Variants in LIPH observed in about 807,000 individuals in gnomAD.
LIPH encodes the protein lipase member H.
Under a neutral mutation model 47.6 loss-of-function variants are expected in LIPH, and 32 were observed. That is an observed-to-expected ratio of 0.67 (90% confidence interval 0.51 to 0.90). The LOEUF is 0.90. Ranked by LOEUF, LIPH falls within the 40% of genes least tolerant of loss-of-function variation. The pLI is 0.00. For synonymous variants in LIPH, 190 were observed against 195.6 expected (o/e 0.97, Z 0.24); for missense variants, 497 against 541.4 (o/e 0.92, Z 0.81).
At chr3:185,514,793 A>C (rs1719675748) in intron 7 of LIPH, among the ~76,000 whole-genome samples, 1 of 152,158 alleles carries the variant, frequency 6.6e-6, no homozygotes, top group African/African-American at 2.4e-5. Context: ...GTGAAGTCTT[A>C]GGGCTTATGG....
chr3:185,532,023 G>C (rs1720346541), intron 3 of LIPH, among the ~76,000 whole-genome samples: 1 of 151,458 alleles, frequency 6.6e-6, no homozygotes, highest in African/African-American at 2.4e-5. Context: ...TTTTCTTATT[G>C]CTCTAAGATC....
At chr3:185,534,271 G>T (rs890257460) in intron 2 of LIPH, among the ~76,000 whole-genome samples, 5 of 151,848 alleles carry the variant, frequency 3.3e-5, no homozygotes, top group Non-Finnish European at 4.4e-5. Flanking sequence ...CAAGAGAATC[G>T]CTTGAACCCG....
At chr3:185,548,428 A>AAC (rs1720949709) in intron 1 of LIPH, among the ~76,000 whole-genome samples, 1 of 149,464 alleles carries the variant, frequency 6.7e-6, no homozygotes, top group African/African-American at 2.5e-5. Context: ...AAAAAACAAC[A>AAC]AAAAAAAACT....
intron 6 of LIPH, among the ~76,000 whole-genome samples, chr3:185,517,862 C>T (rs1719780469): frequency 6.6e-6 from 1 of 152,116 alleles, no homozygotes; most frequent in East Asian, 1.9e-4. Flanking sequence ...ATAGAAAATC[C>T]TCATGACCAT....
At chr3:185,532,509 G>A (rs556370234) in intron 3 of LIPH, among the ~76,000 whole-genome samples, 8 of 151,852 alleles carry the variant, frequency 5.3e-5, no homozygotes, top group Admixed American at 5.3e-4. Flanking sequence ...AAAAAAAAAG[G>A]CTATGTGCAG....
At chr3:185,541,394 CTTTT>C (rs11349854) in intron 1 of LIPH, among the ~76,000 whole-genome samples, 3 of 130,812 alleles carry the variant, frequency 2.3e-5, no homozygotes, top group Admixed American at 8.0e-5. Context: ...ATCTTTCTTT[CTTTT>C]TTTTTTTTTT....
intron 3 of LIPH, among the ~76,000 whole-genome samples, chr3:185,530,216 T>C (rs997619951): frequency 7.2e-5 from 11 of 151,974 alleles, no homozygotes; most frequent in Non-Finnish European, 1.5e-4. Context: ...CAGTGGCTCA[T>C]GCCTGTAATC....
At chr3:185,516,072 T>G (rs1382640684) in intron 7 of LIPH, among the ~76,000 whole-genome samples, 1 of 152,134 alleles carries the variant, frequency 6.6e-6, no homozygotes, top group Non-Finnish European at 1.5e-5. Flanking sequence ...AGGTTGAGGC[T>G]GCAGTGCCCC....
At chr3:185,521,150 G>C (rs1719889689) in intron 5 of LIPH, among the ~76,000 whole-genome samples, 1 of 152,130 alleles carries the variant, frequency 6.6e-6, no homozygotes, top group Non-Finnish European at 1.5e-5. Context: ...TTTCAGGCAT[G>C]AGCCACCATA....
At chr3:185,517,446 T>C (rs1560157789) in intron 6 of LIPH, among the ~76,000 whole-genome samples, 1 of 152,210 alleles carries the variant, frequency 6.6e-6, no homozygotes, top group Non-Finnish European at 1.5e-5. Context: ...TGGTGTGGAC[T>C]AAAAATAACA....
chr3:185,534,991 T>C lies in LIPH; in HGVS notation c.191A>G (p.Asn64Ser). The change falls in exon 2 of 10, where the codon AAC becomes AGC. Residue 64 changes from asparagine to serine, a missense_variant. Physicochemically the swap from Asn to Ser is conservative, Grantham distance 46 (BLOSUM62 1). Coordinates refer to ENST00000296252, the MANE Select transcript of LIPH (RefSeq NM_139248.3). ...GGTGGTTTTCTTGGTCACATTCAAG[T>C]TCCCAAAAGCTGAGGAGTTGATGGT... ...AQTINSSAFG[N>S]LNVTKKTTFI... 1 of 1,613,918 alleles carries C rather than the reference T, an allele frequency of 6.2e-7. No homozygotes were observed.
rs773233563 is a variant in LIPH, at chr3:185,508,595, G to A, written c.*195C>T. 8.3e-6 allele frequency: 5 copies of A among 598,916 alleles called. No individual in the cohort carries two copies. Among genetic ancestry groups the A allele is most frequent in the Non-Finnish European group, 1.5e-5 (5 of 335,036 alleles). 37.1% of individuals were successfully genotyped at this position (598,916 alleles called of 1,614,324 possible). On this transcript the variant is annotated 3_prime_UTR_variant, in exon 10 of 10. Coordinates refer to ENST00000296252, the MANE Select transcript of LIPH (RefSeq NM_139248.3). ...GGCTATTTCTGACTTGCCCTAGTTA[G>A]GGGCTCCTTCCCAGGATCGTTTTAT... is the stretch of plus-strand genomic sequence containing the variant.
At chr3:185,526,600 TA>T (rs1207887551) in intron 4 of LIPH, among the ~76,000 whole-genome samples, 3 of 95,294 alleles carry the variant, frequency 3.1e-5, no homozygotes, top group Non-Finnish European at 6.7e-5. Flanking sequence ...TAAAATAAAA[TA>T]AAATAAAAAA....
rs747127871 is a variant in LIPH at position 185,552,404 on chromosome 3, C to T, written c.49+19G>A. On this transcript the variant is annotated intron_variant, in intron 1 of 9. Coordinates refer to ENST00000296252, the MANE Select transcript of LIPH (RefSeq NM_139248.3). ...CTATTTTTTAAGCAGTTAAGAAAAC[C>T]AGTTTGTAAATAACCTACCTGATCT... is the stretch of plus-strand genomic sequence containing the variant. 14 of 1,563,356 alleles carry T rather than the reference C, an allele frequency of 9.0e-6. No homozygotes were observed. In the East Asian group the frequency reaches 2.9e-4, roughly 33 times the overall value.
At chr3:185,511,249 A>G (rs1239074034) in intron 9 of LIPH, among the ~76,000 whole-genome samples, 5 of 149,594 alleles carry the variant, frequency 3.3e-5, no homozygotes, top group African/African-American at 1.2e-4. Flanking sequence ...CTTTTTTTGT[A>G]GAGACAGGGT....
At chr3:185,536,782 G>A (rs1035785288) in intron 1 of LIPH, among the ~76,000 whole-genome samples, 7 of 152,042 alleles carry the variant, frequency 4.6e-5, no homozygotes, top group Non-Finnish European at 7.4e-5. Context: ...GGTTTTTATC[G>A]TTACTTAACA....
chr3:185,548,076 T>C (rs1720934007), intron 1 of LIPH, among the ~76,000 whole-genome samples: 1 of 152,088 alleles, frequency 6.6e-6, no homozygotes. Context: ...AAATCTGAAG[T>C]TTTTTTAGGC....
chr3:185,519,409 C>A, intron 5 of LIPH, 100 bp from the exon 6 acceptor site: 1 of 788,820 alleles, frequency 1.3e-6, no homozygotes, highest in Non-Finnish European at 2.3e-6. Flanking sequence ...TCTGGCCCTG[C>A]GCTCTTTCAG....
At position 185,508,424 on chromosome 3, in the gene LIPH, G is replaced by A. The variant is rs1193920975; in HGVS notation, c.*366C>T. 2 of 288,670 alleles carry A rather than the reference G, an allele frequency of 6.9e-6. No individual in the cohort carries two copies. The highest frequency in any genetic ancestry group is 1.3e-5 in the Non-Finnish European group (2 of 148,320). The allele number at this position is 288,670 out of a possible 1,614,324, so 17.9% of individuals were successfully genotyped here. ...GAATGCAGAGTTGAGTCCACGGTGA[G>A]GCCTCCAGTCCGTCCTTCCCTTGAA... On this transcript the variant is annotated 3_prime_UTR_variant, in exon 10 of 10. Transcript: ENST00000296252.
Sources: allele counts gnomAD v4.1 joint callset (sites outside exome capture counted in the v4.1 genomes callset), GRCh38; gene constraint gnomAD v4.1.1; transcripts MANE v1.5; gene names NCBI Gene and HGNC (gene_info 2026-07-23, HGNC 2026-07-21).